Variants in PRDM5 observed in about 807,000 individuals in gnomAD.
PRDM5 encodes the protein PR/SET domain 5, also known as PR domain zinc finger protein 5.
Under a neutral mutation model 81.2 loss-of-function variants are expected in PRDM5, and 56 were observed. The ratio of observed to expected loss-of-function variants is 0.69; its 90% confidence interval spans 0.56 to 0.86. PRDM5 has a LOEUF of 0.86. Among genes scored for constraint, PRDM5 ranks in the 40% least tolerant of loss-of-function variants. The pLI is 0.00. For synonymous variants in PRDM5, 267 were observed against 256.4 expected (o/e 1.04, Z -0.39); for missense variants, 697 against 770.1 (o/e 0.91, Z 1.12).
intron 15 of PRDM5, among the ~76,000 whole-genome samples, chr4:120,696,745 T>C (rs1416321748): frequency 1.3e-5 from 2 of 152,002 alleles, no homozygotes; most frequent in African/African-American, 4.8e-5. Context: ...TTGGAAAGAA[T>C]AGACAAATGT....
intron 2 of PRDM5, among the ~76,000 whole-genome samples, chr4:120,862,586 G>A (rs765553875): frequency 7.9e-5 from 12 of 152,186 alleles, no homozygotes; most frequent in Non-Finnish European, 1.5e-4. Flanking sequence ...AGTCCTGCCT[G>A]TAAGTTTGGC....
chr4:120,795,324 T>G (rs1256962917), intron 10 of PRDM5, among the ~76,000 whole-genome samples: 1 of 152,114 alleles, frequency 6.6e-6, no homozygotes, highest in African/African-American at 2.4e-5. Context: ...AAATTTTGCT[T>G]TGCATTATAT....
intron 15 of PRDM5, among the ~76,000 whole-genome samples, chr4:120,697,155 G>A (rs889373173): frequency 3.9e-5 from 6 of 152,088 alleles, no homozygotes; most frequent in Non-Finnish European, 7.4e-5. Flanking sequence ...GCAAACACAC[G>A]CATACTGTAC....
chr4:120,708,070 G>A (rs1339062026), intron 15 of PRDM5, among the ~76,000 whole-genome samples: 1 of 152,024 alleles, frequency 6.6e-6, no homozygotes, highest in Admixed American at 6.6e-5. Context: ...AAATGGTGTC[G>A]CTCCTAAGGA....
At chr4:120,750,073 G>GCACCTGA in intron 14 of PRDM5, among the ~76,000 whole-genome samples, 1 of 152,314 alleles carries the variant, frequency 6.6e-6, no homozygotes, top group Middle Eastern at 3.4e-3. Flanking sequence ...TAGAGCACCT[G>GCACCTGA]AAAGTGGCTA....
rs567807431 is a variant in PRDM5, at chr4:120,708,126, GCCT to G, written c.1728+2180_1728+2182del. ...AAAAAGTTAAACAGAATTACCATAT[GCCT>G]CAGCAATTCAATGCTAGGTATATAC... On this transcript the variant is annotated intron_variant, in intron 15 of 15. Transcript: ENST00000264808. Among the ~76,000 whole-genome samples the G allele has an allele frequency of 3.5e-4, 54 of 152,216 alleles. No homozygotes were observed. The East Asian group carries it at 9.1e-3, about 26-fold the overall frequency.
intron 14 of PRDM5, among the ~76,000 whole-genome samples, chr4:120,743,083 G>C (rs1179499965): frequency 6.6e-6 from 1 of 151,846 alleles, no homozygotes; most frequent in Admixed American, 6.6e-5. Flanking sequence ...CGGATCTCTC[G>C]GCAGAAACCC....
At chr4:120,902,417 T>C (rs1208550009) in intron 2 of PRDM5, among the ~76,000 whole-genome samples, 10 of 152,150 alleles carry the variant, frequency 6.6e-5, no homozygotes, top group African/African-American at 4.8e-5. Context: ...AAATAGAACA[T>C]AGGTCATAGG....
intron 3 of PRDM5, among the ~76,000 whole-genome samples, chr4:120,848,604 A>G (rs1035566980): frequency 2.0e-5 from 3 of 152,228 alleles, no homozygotes; most frequent in Non-Finnish European, 4.4e-5. Flanking sequence ...GGCATGCAGT[A>G]AGCATTCAGT....
At chr4:120,843,882 AG>A (rs1249215756) in intron 3 of PRDM5, among the ~76,000 whole-genome samples, 1 of 152,144 alleles carries the variant, frequency 6.6e-6, no homozygotes, top group Non-Finnish European at 1.5e-5. Context: ...TCTTCCCCAC[AG>A]GGCATTTCTT....
intron 14 of PRDM5, among the ~76,000 whole-genome samples, chr4:120,727,590 C>T (rs1739608621): frequency 6.6e-6 from 1 of 152,148 alleles, no homozygotes; most frequent in Admixed American, 6.5e-5. Context: ...ACAAGCATCT[C>T]CAAATGTCTA....
intron 13 of PRDM5, among the ~76,000 whole-genome samples, chr4:120,758,589 C>T (rs1276086543): frequency 6.6e-6 from 1 of 152,068 alleles, no homozygotes; most frequent in Non-Finnish European, 1.5e-5. Flanking sequence ...AGGAGAGAGG[C>T]CTGGAGCAGA....
At chr4:120,691,765 G>A (rs1016204413), downstream of PRDM5, 1 of 151,858 alleles carries the variant, frequency 6.6e-6, no homozygotes, top group Non-Finnish European at 1.5e-5. Context: ...AGAAACACTT[G>A]GATGTATAAA....
chr4:120,751,634 T>C (rs1339587098), intron 14 of PRDM5, among the ~76,000 whole-genome samples: 2 of 152,058 alleles, frequency 1.3e-5, no homozygotes, highest in East Asian at 1.9e-4. Context: ...AAAGAGAATA[T>C]ACTGAAGGAA....
chr4:120,815,749 C>T (rs2149334722), intron 7 of PRDM5, among the ~76,000 whole-genome samples: 1 of 152,266 alleles, frequency 6.6e-6, no homozygotes, highest in East Asian at 1.9e-4. Context: ...TCTCAACCTC[C>T]TTTAAGGAGG....
chr4:120,687,798 G>T (rs1266367180), downstream of PRDM5, among the ~76,000 whole-genome samples: 1 of 152,110 alleles, frequency 6.6e-6, no homozygotes, highest in Non-Finnish European at 1.5e-5. Context: ...ATAAAAGGAT[G>T]AGTTCAATCC....
downstream of PRDM5, among the ~76,000 whole-genome samples, chr4:120,687,530 CT>C (rs1328156407): frequency 1.3e-5 from 2 of 152,092 alleles, no homozygotes; most frequent in Non-Finnish European, 2.9e-5. Context: ...CATTCATCCA[CT>C]GATGAACATT....
rs192521860 is a variant in PRDM5 at position 120,816,742 on chromosome 4, T to C, written c.743+90A>G. ...AAAGCATTTAAATTCTGTAGGTATGTGAAACTGAATTACTAAGAAGCATGA... is the reference window on the plus strand; with the variant it reads ...AAAGCATTTAAATTCTGTAGGTATGCGAAACTGAATTACTAAGAAGCATGA... On this transcript the variant is annotated intron_variant, in intron 6 of 15. Transcript: ENST00000264808. The C allele has an allele frequency of 2.7e-3, 4,056 of 1,513,394 alleles. 39 individuals carry two copies. The highest frequency in any genetic ancestry group is 0.012 in the Middle Eastern group (71 of 5,862). 93.7% of individuals were successfully genotyped at this position (1,513,394 alleles called of 1,614,324 possible).
chr4:120,700,621 A>G (rs774081188), intron 15 of PRDM5, among the ~76,000 whole-genome samples: 2 of 152,228 alleles, frequency 1.3e-5, no homozygotes, highest in Non-Finnish European at 2.9e-5. Flanking sequence ...GCCCCATTAA[A>G]AAATGCAACT....
Sources: gnomAD v4.1 joint callset for allele counts (sites outside exome capture counted in the v4.1 genomes callset) on GRCh38, gnomAD v4.1.1 for gene constraint, MANE v1.5 for transcripts, NCBI Gene and HGNC (gene_info 2026-07-23, HGNC 2026-07-21) for gene names.